Variants in NLGN4X observed in about 807,000 individuals in gnomAD.
The protein encoded by NLGN4X is neuroligin-4, X-linked.
Under a neutral mutation model 40.3 loss-of-function variants are expected in NLGN4X, and 3 were observed. That is an observed-to-expected ratio of 0.07 (90% CI 0.03 to 0.19). NLGN4X has a LOEUF of 0.19. Ranked by LOEUF, NLGN4X falls within the 10% of genes least tolerant of loss-of-function variation. The pLI is 1.00. For missense variants in NLGN4X, 382 were observed against 708.3 expected (o/e 0.54, Z 5.23); for synonymous variants, 270 against 306.8 (o/e 0.88, Z 1.25).
intron 3 of NLGN4X, among the ~76,000 whole-genome samples, chrX:5,914,883 C>T (rs1041913100): frequency 2.7e-5 from 3 of 111,652 alleles, no homozygotes; most frequent in Admixed American, 1.9e-4. Context: ...TAATCTTTGA[C>T]GGTTATAGGA....
At chrX:6,086,923 C>G (rs2038511398) in intron 2 of NLGN4X, among the ~76,000 whole-genome samples, 2 of 111,544 alleles carry the variant, frequency 1.8e-5, no homozygotes, top group Non-Finnish European at 3.8e-5. Flanking sequence ...TGTGACTCAC[C>G]ACACCCGGCT....
chrX:6,127,778 T>C (rs981103793), intron 2 of NLGN4X, among the ~76,000 whole-genome samples: 3 of 111,902 alleles, frequency 2.7e-5, no homozygotes, highest in Non-Finnish European at 5.6e-5. Context: ...TAGGAAAATG[T>C]TTTTGTGATG....
intron 2 of NLGN4X, among the ~76,000 whole-genome samples, chrX:6,072,862 G>A (rs928343365): frequency 2.1e-4 from 23 of 111,833 alleles, no homozygotes; most frequent in African/African-American, 7.2e-4. Flanking sequence ...CAAACACAAG[G>A]GCTGACCAGA....
At chrX:5,909,467 A>G (rs1208320649) in intron 3 of NLGN4X, among the ~76,000 whole-genome samples, 1 of 111,399 alleles carries the variant, frequency 9.0e-6, no homozygotes, top group African/African-American at 3.3e-5. Flanking sequence ...CTTTGTGTAT[A>G]TATGTGGCTA....
intron 3 of NLGN4X, among the ~76,000 whole-genome samples, chrX:5,932,669 G>C (rs960241395): frequency 1.8e-5 from 2 of 110,659 alleles, no homozygotes; most frequent in African/African-American, 6.6e-5. Flanking sequence ...ATCATAGAAT[G>C]AATTACCAAA....
At chrX:6,111,980 A>T (rs747964372) in intron 2 of NLGN4X, among the ~76,000 whole-genome samples, 1 of 112,225 alleles carries the variant, frequency 8.9e-6, no homozygotes, top group Non-Finnish European at 1.9e-5. Context: ...TAGAGTCATG[A>T]ACAAATACAT....
chrX:6,219,147 GTA>G (rs1463577699), intron 1 of NLGN4X, among the ~76,000 whole-genome samples: 2 of 87,193 alleles, frequency 2.3e-5, no homozygotes, highest in Non-Finnish European at 4.8e-5. Context: ...GTATATATAT[GTA>G]TGTGTGTGTG....
At chrX:6,116,670 T>C (rs1205226491) in intron 2 of NLGN4X, among the ~76,000 whole-genome samples, 2 of 107,767 alleles carry the variant, frequency 1.9e-5, no homozygotes, top group African/African-American at 6.8e-5. Flanking sequence ...GCTGGAACTA[T>C]AGGCATGCGC....
chrX:5,997,070 G>A (rs2035839008), intron 3 of NLGN4X, among the ~76,000 whole-genome samples: 1 of 110,495 alleles, frequency 9.1e-6, no homozygotes, highest in Non-Finnish European at 1.9e-5. Context: ...TCCATTTGTT[G>A]CTCCTATATA....
chrX:5,966,994 C>G (rs1354894374), intron 3 of NLGN4X, among the ~76,000 whole-genome samples: 1 of 111,874 alleles, frequency 8.9e-6, no homozygotes, highest in African/African-American at 3.3e-5. Context: ...CATCAATGTA[C>G]ATTTTTCACC....
At chrX:5,921,148 C>CATAT (rs60922455) in intron 3 of NLGN4X, among the ~76,000 whole-genome samples, 5,917 of 90,848 alleles carry the variant, frequency 0.065, 375 homozygotes, top group African/African-American at 0.18. Context: ...TATATATATA[C>CATAT]ATATATATAT....
chrX:6,075,402 A>T (rs1476259947), intron 2 of NLGN4X, among the ~76,000 whole-genome samples: 1 of 112,203 alleles, frequency 8.9e-6, no homozygotes, highest in East Asian at 2.8e-4. Context: ...CCAGTAAGGC[A>T]TAAAAGCAAA....
chrX:5,892,515 T>C lies in NLGN4X; in HGVS notation c.*302A>G, dbSNP rs1006040357. The C allele has an allele frequency of 7.2e-5, 22 of 307,555 alleles. No individual in the cohort carries two copies. The highest frequency in any genetic ancestry group is 5.6e-4 in the African/African-American group (21 of 37,286). The allele number at this position is 307,555 out of a possible 1,213,427, so 25.3% of individuals were successfully genotyped here. A position where few individuals can be genotyped will look rare whatever the true frequency, so the allele number is the denominator to read the frequency against. ...CACCCGGGGCCTTGAAATGGTGATG[T>C]CCTATCACACTAAACATCGATTGGA... On this transcript the variant is annotated 3_prime_UTR_variant, in exon 6 of 6. Transcript: ENST00000381095.
At chrX:6,170,471 A>C (rs2040582556) in intron 1 of NLGN4X, among the ~76,000 whole-genome samples, 2 of 112,222 alleles carry the variant, frequency 1.8e-5, no homozygotes, top group African/African-American at 6.5e-5. Flanking sequence ...ACATTTGAGA[A>C]ATCATGCTTT....
chrX:6,024,033 T>C (rs2036619630), intron 3 of NLGN4X, among the ~76,000 whole-genome samples: 1 of 112,177 alleles, frequency 8.9e-6, no homozygotes, highest in Non-Finnish European at 1.9e-5. Context: ...ACTCAAGTTA[T>C]ACTAAAGTAA....
chrX:6,151,113 G>C lies in NLGN4X; in HGVS notation c.354C>G (p.Ser118=), dbSNP rs1367327597. 4.1e-6 allele frequency: 5 copies of C among 1,209,757 alleles called. No individual in the cohort carries two copies. The highest frequency in any genetic ancestry group is 5.6e-6 in the Non-Finnish European group (5 of 894,952). ...AGATGGGCAGCATGTCATGCAGTAA[G>C]GATCTCTCATCCAGGTGCTGGGGGC... The part of the protein sequence containing the change: ...AVCPQHLDER[S]LLHDMLPIWF... The change falls in exon 2 of 6, where the codon TCC becomes TCG. Residue 118 remains serine (S), a synonymous_variant. Coordinates refer to ENST00000381095, the MANE Select transcript of NLGN4X (RefSeq NM_181332.3).
At position 5,891,003 on chromosome X, in the gene NLGN4X, C is replaced by T. The variant is rs1458221457; in HGVS notation, c.*1814G>A. 4 of 303,277 alleles carry T rather than the reference C, an allele frequency of 1.3e-5. No individual in the cohort carries two copies. The highest frequency in any genetic ancestry group is 7.4e-5 in the Admixed American group (2 of 26,863). 25.0% of individuals were successfully genotyped at this position (303,277 alleles called of 1,213,427 possible). ...ATTTAAGACTGGATTTCTAGAATAA[C>T]CCACAATGGAGCCGAGGAACATGAT... On this transcript the variant is annotated 3_prime_UTR_variant, in exon 6 of 6. Coordinates refer to ENST00000381095, the MANE Select transcript of NLGN4X (RefSeq NM_181332.3).
At chrX:6,102,800 TTAGA>T (rs779572386) in intron 2 of NLGN4X, among the ~76,000 whole-genome samples, 11 of 110,657 alleles carry the variant, frequency 9.9e-5, no homozygotes, top group South Asian at 3.8e-4. Flanking sequence ...TAGATATAAA[TTAGA>T]TAGATAAGAA....
chrX:5,957,141 G>C (rs906447296), intron 3 of NLGN4X, among the ~76,000 whole-genome samples: 2 of 111,619 alleles, frequency 1.8e-5, no homozygotes, highest in South Asian at 7.5e-4. Flanking sequence ...ACATCCTTGG[G>C]AATCCCTGGT....
Sources: allele counts gnomAD v4.1 joint callset (sites outside exome capture counted in the v4.1 genomes callset), GRCh38; gene constraint gnomAD v4.1.1; transcripts MANE v1.5; gene names NCBI Gene and HGNC (gene_info 2026-07-23, HGNC 2026-07-21).